Variants in PUDP observed in about 807,000 individuals in gnomAD.
PUDP encodes pseudouridine 5'-phosphatase.
PUDP carries 8 observed loss-of-function variants against 9.4 expected under a neutral mutation model. That is an observed-to-expected ratio of 0.85 (90% CI 0.50 to 1.53). The LOEUF (loss-of-function observed/expected upper bound fraction) is 1.53. PUDP is among the 40% of genes most tolerant of loss of function. The pLI is 0.00. For synonymous variants in PUDP, 99 were observed against 80.7 expected, an observed-to-expected ratio of 1.23 and a Z score of -1.22; for missense variants, 188 against 189.7, an observed-to-expected ratio of 0.99 and a Z score of 0.05.
chrX:7,146,918 T>A (rs1173365403), intron 1 of PUDP, among the ~76,000 whole-genome samples: 2 of 105,876 alleles, frequency 1.9e-5, no homozygotes, highest in African/African-American at 6.9e-5. Context: ...AGGAATGATA[T>A]ACGTAACCAA....
intron 3 of PUDP, among the ~76,000 whole-genome samples, chrX:6,855,112 C>T (rs1475538332): frequency 1.9e-5 from 2 of 107,839 alleles, no homozygotes; most frequent in African/African-American, 6.8e-5. Flanking sequence ...CTAACCCCTC[C>T]TCTTCCTCCT....
chrX:6,797,568 C>A (rs1045364037), intron 3 of PUDP, among the ~76,000 whole-genome samples: 3 of 111,241 alleles, frequency 2.7e-5, no homozygotes, highest in Admixed American at 9.6e-5. Context: ...GAACTGAGGT[C>A]TTCTTCCAAT....
intron 2 of PUDP, among the ~76,000 whole-genome samples, chrX:7,099,847 G>GC (rs1357613699): frequency 9.0e-6 from 1 of 110,959 alleles, no homozygotes; most frequent in Non-Finnish European, 1.9e-5. Context: ...AGGCAGACAT[G>GC]CCCCCACATC....
intron 3 of PUDP, among the ~76,000 whole-genome samples, chrX:6,803,500 C>T (rs778036073): frequency 8.9e-6 from 1 of 112,407 alleles, no homozygotes; most frequent in Admixed American, 9.4e-5. Flanking sequence ...ACTTCTAAAA[C>T]ATGCCCTTTG....
chrX:6,962,188 C>T (rs1233664519), intron 3 of PUDP, among the ~76,000 whole-genome samples: 1 of 111,705 alleles, frequency 9.0e-6, no homozygotes, highest in Non-Finnish European at 1.9e-5. Flanking sequence ...ATGCCAGTCA[C>T]TGTGGTTGGA....
intron 1 of PUDP, among the ~76,000 whole-genome samples, chrX:7,010,519 T>A (rs983487363): frequency 1.8e-5 from 2 of 112,051 alleles, no homozygotes; most frequent in Non-Finnish European, 3.8e-5. Context: ...GAGCCTCTTA[T>A]GGGAGACACA....
At position 7,091,636 on chromosome X, in the gene PUDP, C is replaced by T. The variant is rs773528821; in HGVS notation, c.280+13984G>A. 8.1e-5 allele frequency among the ~76,000 whole-genome samples: 9 copies of T among 111,620 alleles called. No individual in the cohort carries two copies. The East Asian group carries it at 1.7e-3, about 21-fold the overall frequency. On this transcript the variant is annotated intron_variant, in intron 2 of 3. Coordinates refer to ENST00000381077, the MANE Select transcript of PUDP (RefSeq NM_012080.5). ...GATTACAGGTGTGAGCCACCGCGCC[C>T]GGCCTTAAATGGACTTTTTCTTTCA... is the stretch of plus-strand genomic sequence containing the variant.
intron 3 of PUDP, among the ~76,000 whole-genome samples, chrX:7,056,518 G>A (rs1045369978): frequency 8.9e-6 from 1 of 111,892 alleles, no homozygotes; most frequent in African/African-American, 3.3e-5. Context: ...TGATCATTTT[G>A]TAGTGTATTT....
At chrX:6,746,679 G>T (rs777166022) in intron 3 of PUDP, among the ~76,000 whole-genome samples, 9 of 110,232 alleles carry the variant, frequency 8.2e-5, no homozygotes, top group African/African-American at 2.6e-4. Flanking sequence ...TGGTTTTTCT[G>T]TTCCTCCGTT....
At chrX:6,726,595 T>C (rs927841484) in intron 3 of PUDP, among the ~76,000 whole-genome samples, 8 of 111,978 alleles carry the variant, frequency 7.1e-5, no homozygotes, top group Admixed American at 1.9e-4. Context: ...AAAACATATA[T>C]ATTCTAAAGC....
intron 1 of PUDP, among the ~76,000 whole-genome samples, chrX:7,026,701 A>G (rs2146823590): frequency 8.9e-6 from 1 of 111,860 alleles, no homozygotes; most frequent in South Asian, 3.8e-4. Context: ...TGCAACTGGC[A>G]TCTAGTGGGA....
intron 1 of PUDP, among the ~76,000 whole-genome samples, chrX:7,039,324 T>C (rs1268206710): frequency 8.9e-6 from 1 of 112,210 alleles, no homozygotes; most frequent in Non-Finnish European, 1.9e-5. Context: ...AAAATTAATC[T>C]GATATTTACA....
At chrX:6,953,454 T>C (rs1928583093) in intron 3 of PUDP, among the ~76,000 whole-genome samples, 3 of 103,700 alleles carry the variant, frequency 2.9e-5, no homozygotes, top group Admixed American at 2.2e-4. Context: ...TTACATTTCA[T>C]AAGAAATGTA....
At chrX:6,892,398 C>T (rs1927529233) in intron 3 of PUDP, among the ~76,000 whole-genome samples, 2 of 111,162 alleles carry the variant, frequency 1.8e-5, no homozygotes, top group African/African-American at 3.3e-5. Context: ...CACAGTTCCA[C>T]GTGGCTGGGG....
At chrX:6,730,140 G>A (rs142409734) in intron 3 of PUDP, among the ~76,000 whole-genome samples, 2,231 of 111,811 alleles carry the variant, frequency 0.02, 53 homozygotes, top group African/African-American at 0.068. Flanking sequence ...CAAATCTCCT[G>A]TTGGTGCTTG....
intron 3 of PUDP, among the ~76,000 whole-genome samples, chrX:6,849,097 T>C (rs1312878183): frequency 1.8e-5 from 2 of 111,837 alleles, no homozygotes; most frequent in Non-Finnish European, 3.8e-5. Context: ...TCCCTGGAGC[T>C]GGGAAGTATG....
rs1356284886 is a variant in PUDP, at chrX:7,052,754, A to G, written c.511-2282T>C. On this transcript the variant is annotated intron_variant, in intron 3 of 3. Transcript: ENST00000381077. ...GGCCCAGCTGTTTCGGTTTGCTTGGAACTGAAGGGTCAGCTGTGGGGCAGG... is the reference window on the plus strand; with the variant it reads ...GGCCCAGCTGTTTCGGTTTGCTTGGGACTGAAGGGTCAGCTGTGGGGCAGG... Among the ~76,000 whole-genome samples the G allele has an allele frequency of 3.6e-5, 4 of 111,460 alleles. No homozygotes were observed. The Admixed American group carries it at 3.8e-4, about 11-fold the overall frequency.
intron 1 of PUDP, chrX:7,113,084 G>A (rs1239204944): frequency 8.9e-6 from 1 of 112,787 alleles, no homozygotes; most frequent in Non-Finnish European, 1.9e-5. Flanking sequence ...CTGCTCAGCT[G>A]GGGCAGCAGT....
chrX:6,911,884 G>A (rs7889493), intron 3 of PUDP, among the ~76,000 whole-genome samples: 6,414 of 111,465 alleles, frequency 0.058, 299 homozygotes, highest in African/African-American at 0.16. Flanking sequence ...TGAAAACAAC[G>A]TGAATTCTCT....
Sources: gnomAD v4.1 joint callset for allele counts (sites outside exome capture counted in the v4.1 genomes callset) on GRCh38, gnomAD v4.1.1 for gene constraint, MANE v1.5 for transcripts, NCBI Gene and HGNC (gene_info 2026-07-23, HGNC 2026-07-21) for gene names.